Variants in C14orf39 observed in about 807,000 individuals in gnomAD.
C14orf39 encodes the protein chromosome 14 open reading frame 39.
A neutral mutation model predicts 85.6 loss-of-function variants in C14orf39; 66 were observed. The observed-to-expected ratio is 0.77, with a 90% CI of 0.63 to 0.95. C14orf39 has a LOEUF of 0.95. Ranked by LOEUF, C14orf39 falls within the 40% of genes least tolerant of loss-of-function variation. The pLI, the probability that C14orf39 is intolerant of heterozygous loss-of-function variation, is 0.00. For synonymous variants in C14orf39, 242 were observed against 214.0 expected (o/e 1.13, Z -1.14); for missense variants, 735 against 663.9 (o/e 1.11, Z -1.18).
chr14:60,456,874 A>G (rs1018950505), intron 15 of C14orf39, 43 bp downstream of exon 15: 1 of 1,457,122 alleles, frequency 6.9e-7, no homozygotes, highest in Non-Finnish European at 9.2e-7. Flanking sequence ...TATGTAATTC[A>G]ACATACAAAT....
Position 60,436,563 on chromosome 14 carries a change from T to A in C14orf39, c.*282A>T. The A allele has an allele frequency of 4.8e-6, 1 of 209,390 alleles. No individual in the cohort carries two copies. The highest frequency in any genetic ancestry group is 1.2e-4 in the East Asian group (1 of 8,086). The allele number at this position is 209,390 out of a possible 1,614,324, so 13.0% of individuals were successfully genotyped here. ...AGGAGAAGCAGGCTTAATATTTAAA[T>A]AAAGAGTAATGAAAAAAGCATCAAA... On this transcript the variant is annotated 3_prime_UTR_variant, in exon 18 of 18. Transcript: ENST00000321731.
rs372745544 is a variant in C14orf39, at chr14:60,436,316, G to C, written c.*529C>G. 3 of 152,038 alleles carry C rather than the reference G, an allele frequency of 2.0e-5. No individual in the cohort carries two copies. Among genetic ancestry groups the C allele is most frequent in the East Asian group, 1.9e-4 (1 of 5,194 alleles). 9.4% of individuals were successfully genotyped at this position (152,038 alleles called of 1,614,324 possible). A position where few individuals can be genotyped will look rare whatever the true frequency, so the allele number is the denominator to read the frequency against. The stretch of plus-strand genomic sequence containing the variant: ...TAGAATTGTACCATGTGTTATATTA[G>C]AAGAAAATAACACAGATTTTGTTAT... On this transcript the variant is annotated 3_prime_UTR_variant, in exon 18 of 18. Coordinates refer to ENST00000321731, the MANE Select transcript of C14orf39 (RefSeq NM_174978.3).
At chr14:60,455,902 C>G (rs1461305533) in intron 15 of C14orf39, among the ~76,000 whole-genome samples, 1 of 152,084 alleles carries the variant, frequency 6.6e-6, no homozygotes, top group East Asian at 1.9e-4. Flanking sequence ...ACTGCCATAA[C>G]TATCTCTATT....
rs745948136 is a variant in C14orf39, at chr14:60,461,535, G to C, written c.1031C>G (p.Thr344Arg). Reference protein sequence around the residue: ...HSKCSHITTITSSQKFMQVRL... With the variant: ...HSKCSHITTIRSSQKFMQVRL... The stretch of plus-strand genomic sequence containing the variant: ...GACTTGCATAAACTTTTGTGAACTT[G>C]TGATAGTCGTAATATGTGAACATTT... The change falls in exon 12 of 18, where the codon ACA becomes AGA. Residue 344 changes from threonine to arginine, a missense_variant. Transcript: ENST00000321731. 4.4e-6 allele frequency: 7 copies of C among 1,591,488 alleles called. No homozygotes were observed. In the East Asian group the frequency reaches 9.0e-5, roughly 20 times the overall value.
chr14:60,455,381 C>T (rs1891224016), intron 15 of C14orf39, among the ~76,000 whole-genome samples: 1 of 151,988 alleles, frequency 6.6e-6, no homozygotes, highest in Non-Finnish European at 1.5e-5. Context: ...GAAATAGGTA[C>T]TATTACTATC....
intron 2 of C14orf39, among the ~76,000 whole-genome samples, chr14:60,492,214 C>T (rs972600768): frequency 3.9e-5 from 6 of 152,312 alleles, no homozygotes; most frequent in African/African-American, 1.4e-4. Flanking sequence ...TCAGTAAAGA[C>T]CTTCCACAGG....
upstream of C14orf39, among the ~76,000 whole-genome samples, chr14:60,486,597 G>A (rs1034410565): frequency 1.3e-5 from 2 of 152,084 alleles, no homozygotes; most frequent in African/African-American, 4.8e-5. Context: ...ATGCTCTTAG[G>A]CTTTGTCTGC....
intron 1 of C14orf39, among the ~76,000 whole-genome samples, chr14:60,502,668 C>A (rs186778710): frequency 1.6e-3 from 242 of 152,308 alleles, no homozygotes; most frequent in African/African-American, 5.6e-3. Flanking sequence ...GCACTCATTT[C>A]TCTGTCCCTT....
chr14:60,506,355 C>T (rs1276356985), intron 1 of C14orf39, among the ~76,000 whole-genome samples: 3 of 152,214 alleles, frequency 2.0e-5, no homozygotes, highest in African/African-American at 7.2e-5. Context: ...AAAATATATA[C>T]CCTTCTGTAA....
upstream of C14orf39, chr14:60,486,168 A>G (rs1595490515): frequency 6.6e-6 from 1 of 151,912 alleles, no homozygotes; most frequent in African/African-American, 2.4e-5. Context: ...CGCGCTCTGG[A>G]CGAGACCTGC....
intron 15 of C14orf39, among the ~76,000 whole-genome samples, chr14:60,455,511 T>C (rs1451092628): frequency 1.3e-5 from 2 of 152,104 alleles, no homozygotes. Context: ...GTCCAAGCTC[T>C]TAACCTTGAC....
intron 5 of C14orf39, among the ~76,000 whole-genome samples, chr14:60,476,641 T>C (rs1047389388): frequency 2.6e-5 from 4 of 152,216 alleles, no homozygotes; most frequent in Non-Finnish European, 5.9e-5. Flanking sequence ...GAAGTACATA[T>C]TTTAACTGGT....
intron 16 of C14orf39, among the ~76,000 whole-genome samples, chr14:60,442,394 T>C (rs1233440442): frequency 6.6e-6 from 1 of 152,206 alleles, no homozygotes; most frequent in Non-Finnish European, 1.5e-5. Flanking sequence ...CTTAATATGA[T>C]ATTTTGCTTT....
chr14:60,511,465 G>A, intron 1 of C14orf39: 1 of 647,048 alleles, frequency 1.5e-6, no homozygotes, highest in South Asian at 1.8e-5. Flanking sequence ...AACCAGCGGT[G>A]AGGCCTGACC....
At chr14:60,500,353 G>A (rs1893124766) in intron 1 of C14orf39, among the ~76,000 whole-genome samples, 1 of 152,196 alleles carries the variant, frequency 6.6e-6, no homozygotes. Context: ...TACAGAGTGG[G>A]TAGAAGTAAA....
intron 2 of C14orf39, among the ~76,000 whole-genome samples, chr14:60,497,558 A>C (rs144025381): frequency 1.4e-4 from 21 of 152,286 alleles, no homozygotes; most frequent in Non-Finnish European, 2.8e-4. Flanking sequence ...TGCTACCTCT[A>C]GACTTTCAGT....
intron 16 of C14orf39, among the ~76,000 whole-genome samples, chr14:60,450,933 G>A (rs958913035): frequency 4.6e-5 from 7 of 152,318 alleles, no homozygotes; most frequent in East Asian, 1.9e-4. Flanking sequence ...ACAGCACAGC[G>A]TTATTGGGCT....
At chr14:60,502,562 AAAGT>A (rs1893161451) in intron 1 of C14orf39, among the ~76,000 whole-genome samples, 1 of 152,248 alleles carries the variant, frequency 6.6e-6, no homozygotes, top group African/African-American at 2.4e-5. Context: ...CATAACAGAG[AAAGT>A]AATAACAGAT....
intron 4 of C14orf39, among the ~76,000 whole-genome samples, chr14:60,480,048 A>G (rs1189784727): frequency 6.6e-5 from 10 of 152,344 alleles, no homozygotes; most frequent in Non-Finnish European, 4.4e-5. Flanking sequence ...AAAATGCTCA[A>G]TGCCTCTAAT....
Sources: allele counts gnomAD v4.1 joint callset (sites outside exome capture counted in the v4.1 genomes callset), GRCh38; gene constraint gnomAD v4.1.1; transcripts MANE v1.5; gene names NCBI Gene and HGNC (gene_info 2026-07-23, HGNC 2026-07-21).